Variants in TOP2B observed in about 807,000 individuals in gnomAD.
TOP2B encodes the protein DNA topoisomerase II beta.
A neutral mutation model predicts 193.5 loss-of-function variants in TOP2B; 51 were observed. The ratio of observed to expected loss-of-function variants is 0.26; its 90% CI spans 0.21 to 0.33. The LOEUF is 0.33. Among genes scored for constraint, TOP2B ranks in the 10% least tolerant of loss-of-function variants. The probability of loss-of-function intolerance (pLI) is 1.00; values close to 1 mark genes in which losing one functional copy is unlikely to be tolerated. For missense variants in TOP2B, 1,378 were observed against 1,909.3 expected (o/e 0.72, Z 5.19); for synonymous variants, 634 against 635.7 (o/e 1.00, Z 0.04).
At chr3:25,629,247 G>A in intron 13 of TOP2B, 102 bp from the exon 14 acceptor site, 1 of 768,776 alleles carries the variant, frequency 1.3e-6, no homozygotes, top group Non-Finnish European at 2.0e-6. Context: ...CCAAAATTCT[G>A]AATTTTAGAA....
intron 28 of TOP2B, among the ~76,000 whole-genome samples, chr3:25,611,643 G>A (rs762327575): frequency 1.3e-5 from 2 of 151,650 alleles, no homozygotes; most frequent in Admixed American, 6.6e-5. Context: ...TCCTTCTTCC[G>A]GCTAACTCTG....
chr3:25,662,100 G>C (rs1017314458), intron 1 of TOP2B, among the ~76,000 whole-genome samples: 3 of 152,186 alleles, frequency 2.0e-5, no homozygotes, highest in East Asian at 1.9e-4. Context: ...TGCATTTCTT[G>C]AAGTTCACCA....
chr3:25,633,732 A>T, intron 8 of TOP2B, 109 bp downstream of exon 8: 1 of 941,042 alleles, frequency 1.1e-6, no homozygotes, highest in Non-Finnish European at 1.5e-6. Flanking sequence ...TTATTTAACA[A>T]AAACAGATTT....
chr3:25,658,413 G>A (rs1703815389), intron 1 of TOP2B, among the ~76,000 whole-genome samples: 1 of 151,676 alleles, frequency 6.6e-6, no homozygotes, highest in Admixed American at 6.6e-5. Context: ...CAATTAAATT[G>A]GAATCTAAAA....
At chr3:25,627,158 A>C (rs1365941262) in intron 16 of TOP2B, 29 bp downstream of exon 16, 2 of 1,510,700 alleles carry the variant, frequency 1.3e-6, no homozygotes, top group Non-Finnish European at 1.8e-6. Flanking sequence ...GATGGCTAAC[A>C]AAAGCTTTTA....
intron 1 of TOP2B, among the ~76,000 whole-genome samples, chr3:25,662,274 C>G (rs1044218429): frequency 6.6e-6 from 1 of 152,210 alleles, no homozygotes; most frequent in Non-Finnish European, 1.5e-5. Flanking sequence ...GAACCTACAT[C>G]AGCCTGACGT....
At chr3:25,645,223 C>A in intron 2 of TOP2B, 77 bp downstream of exon 2, 3 of 1,307,894 alleles carry the variant, frequency 2.3e-6, no homozygotes, top group Non-Finnish European at 3.1e-6. Flanking sequence ...CAAGTAATTA[C>A]AATAATTTTA....
chr3:25,626,100 C>T (rs1702795205), intron 18 of TOP2B, among the ~76,000 whole-genome samples: 1 of 151,764 alleles, frequency 6.6e-6, no homozygotes, highest in Admixed American at 6.6e-5. Context: ...AAATCTGCTT[C>T]AACTAACGAG....
At position 25,598,465 on chromosome 3, in the gene TOP2B, T is replaced by G; in HGVS notation, c.4723A>C (p.Thr1575Pro). Residue 1575 changes from threonine (T) to proline (P), a missense_variant, in exon 36 of 36, where the codon ACA (threonine) becomes CCA (proline). Thr to Pro is a conservative substitution (Grantham distance 38). Coordinates refer to ENST00000264331, the MANE Select transcript of TOP2B (RefSeq NM_001330700.2). The stretch of plus-strand genomic sequence containing the variant: ...ACATCTGAATCCTGATCAAAAGATG[T>G]CTTCTTCGGTTTCTAGATTTTTTTT... ...SKTTSKKPKKTSFDQDSDVDI... is the reference protein window; with the variant it reads ...SKTTSKKPKKPSFDQDSDVDI... The G allele has an allele frequency of 6.3e-7, 1 of 1,578,738 alleles. No homozygotes were observed. The highest frequency in any genetic ancestry group is 8.6e-7 in the Non-Finnish European group (1 of 1,168,280).
At position 25,650,867 on chromosome 3, in the gene TOP2B, C is replaced by T. The variant is rs372162113; in HGVS notation, c.70-5397G>A. The stretch of plus-strand genomic sequence containing the variant: ...TAAACATATTGTAAATCAATGATTT[C>T]ACCATTCTTTCACCTAAGCTTCTTC... On this transcript the variant is annotated intron_variant, in intron 1 of 35. Coordinates refer to ENST00000264331, the MANE Select transcript of TOP2B (RefSeq NM_001330700.2). Among the ~76,000 whole-genome samples, 28 of 152,274 alleles carry T rather than the reference C, an allele frequency of 1.8e-4. No homozygotes were observed. In the East Asian group the frequency reaches 4.8e-3, roughly 26 times the overall value.
At chr3:25,624,854 C>A in intron 18 of TOP2B, 51 bp from the exon 19 acceptor site, 5 of 1,558,152 alleles carry the variant, frequency 3.2e-6, no homozygotes, top group Non-Finnish European at 4.4e-6. Context: ...ATAGTTGTAA[C>A]AATTCAGGGG....
intron 12 of TOP2B, 39 bp from the exon 13 acceptor site, chr3:25,630,193 G>T (rs1426086398): frequency 6.5e-7 from 1 of 1,527,736 alleles, no homozygotes; most frequent in Admixed American, 2.2e-5. Context: ...AGTTTGAAGT[G>T]TTGAAATATA....
intron 1 of TOP2B, among the ~76,000 whole-genome samples, chr3:25,650,363 C>G (rs1703550873): frequency 6.6e-6 from 1 of 152,318 alleles, no homozygotes; most frequent in East Asian, 1.9e-4. Flanking sequence ...TGCTCTTGAC[C>G]TGTCTGCTTT....
chr3:25,623,792 G>A (rs1347807970), intron 20 of TOP2B, 46 bp from the exon 21 acceptor site: 1 of 1,303,920 alleles, frequency 7.7e-7, no homozygotes, highest in East Asian at 2.4e-5. Context: ...CATGGCTTTG[G>A]GAAAGAAAAC....
chr3:25,614,792 G>GA (rs1559494994), intron 27 of TOP2B, among the ~76,000 whole-genome samples: 1 of 151,412 alleles, frequency 6.6e-6, no homozygotes, highest in Non-Finnish European at 1.5e-5. Context: ...ATTCTACTTG[G>GA]AAAAAACTAT....
At chr3:25,653,996 C>CA (rs1703673657) in intron 1 of TOP2B, among the ~76,000 whole-genome samples, 1 of 152,136 alleles carries the variant, frequency 6.6e-6, no homozygotes, top group Non-Finnish European at 1.5e-5. Context: ...CAACAGCTAA[C>CA]AGCACATATA....
chr3:25,601,537 T>C (rs970604885), intron 33 of TOP2B, among the ~76,000 whole-genome samples: 2 of 152,108 alleles, frequency 1.3e-5, no homozygotes, highest in Non-Finnish European at 2.9e-5. Flanking sequence ...GACAATCGCT[T>C]GAACCCGGGA....
intron 5 of TOP2B, 32 bp from the exon 6 acceptor site, chr3:25,637,344 T>G: frequency 2.0e-6 from 3 of 1,485,168 alleles, no homozygotes; most frequent in Non-Finnish European, 2.7e-6. Flanking sequence ...AAAGGTTTAG[T>G]AAAAATGATT....
chr3:25,656,176 T>C (rs970003175), intron 1 of TOP2B, among the ~76,000 whole-genome samples: 1 of 152,130 alleles, frequency 6.6e-6, no homozygotes, highest in African/African-American at 2.4e-5. Flanking sequence ...ATGACAACTA[T>C]TGAGGAAAGA....
Sources: allele counts gnomAD v4.1 joint callset (sites outside exome capture counted in the v4.1 genomes callset), GRCh38; gene constraint gnomAD v4.1.1; transcripts MANE v1.5; gene names NCBI Gene and HGNC (gene_info 2026-07-23, HGNC 2026-07-21).